The following PUM1 variants were observed in gnomAD, a reference collection of about 807,000 sequenced individuals.
The protein encoded by PUM1 is pumilio RNA binding family member 1.
In PUM1, 13 loss-of-function variants were observed where a neutral mutation model predicts 131.8. The ratio of observed to expected loss-of-function variants is 0.10; its 90% CI spans 0.06 to 0.16. PUM1 has a LOEUF of 0.16. Among genes scored for constraint, PUM1 ranks in the 10% least tolerant of loss-of-function variants. The pLI, the probability that PUM1 is intolerant of heterozygous loss-of-function variation, is 1.00. For missense variants in PUM1, 961 were observed against 1,512.4 expected (o/e 0.64, Z 6.05); for synonymous variants, 509 against 556.5 (o/e 0.91, Z 1.20).
At chr1:30,985,014 A>G (rs1641495810) in intron 7 of PUM1, among the ~76,000 whole-genome samples, 1 of 152,150 alleles carries the variant, frequency 6.6e-6, no homozygotes, top group African/African-American at 2.4e-5. Flanking sequence ...AGGGGTTAAG[A>G]GCACTGACTC....
chr1:31,061,098 T>C (rs1644357697), intron 1 of PUM1, among the ~76,000 whole-genome samples: 1 of 152,128 alleles, frequency 6.6e-6, no homozygotes, highest in East Asian at 1.9e-4. Flanking sequence ...ATTATGCCAT[T>C]AGTACTTCAA....
intron 19 of PUM1, 151 bp from the exon 20 acceptor site, chr1:30,941,423 A>G (rs1570087450): frequency 1.4e-6 from 1 of 722,340 alleles, no homozygotes; most frequent in East Asian, 2.8e-5. Flanking sequence ...TAAGACAGGT[A>G]GTAACGTTCT....
At chr1:30,966,976 C>A in intron 12 of PUM1, 191 bp downstream of exon 12, 9 of 590,208 alleles carry the variant, frequency 1.5e-5, no homozygotes, top group Admixed American at 3.7e-5. Flanking sequence ...CCTCCCCCAA[C>A]CCACCAACCC....
intron 2 of PUM1, among the ~76,000 whole-genome samples, chr1:31,049,062 T>G (rs1371970694): frequency 6.7e-6 from 1 of 149,562 alleles, no homozygotes; most frequent in African/African-American, 2.5e-5. Context: ...AAAAATGAGC[T>G]GGCATGATGG....
chr1:30,989,036 AC>A (rs1162329829), intron 7 of PUM1, among the ~76,000 whole-genome samples: 10 of 152,208 alleles, frequency 6.6e-5, no homozygotes, highest in South Asian at 2.1e-4. Flanking sequence ...CACAAAAAAA[AC>A]AAACTATAAT....
intron 3 of PUM1, among the ~76,000 whole-genome samples, chr1:31,009,267 A>G (rs1557583570): frequency 6.6e-6 from 1 of 151,614 alleles, no homozygotes; most frequent in African/African-American, 2.4e-5. Context: ...TAAAATTCTG[A>G]TTTTTTTTCT....
rs550988630 is a variant in PUM1, at chr1:30,931,878, G to A, written c.*1333C>T. On this transcript the variant is annotated 3_prime_UTR_variant, in exon 22 of 22. Coordinates refer to ENST00000426105, the MANE Select transcript of PUM1 (RefSeq NM_001020658.2). ...CTCGGGCAAGGCTAGACTTTTGCAC[G>A]TCCTTTTGACTGTCACAAAATCAAA... The A allele has an allele frequency of 6.6e-6, 1 of 152,590 alleles. No homozygotes were observed. Among genetic ancestry groups the A allele is most frequent in the Admixed American group, 6.5e-5 (1 of 15,284 alleles). The allele number at this position is 152,590 out of a possible 1,614,324, so 9.5% of individuals were successfully genotyped here.
intron 3 of PUM1, among the ~76,000 whole-genome samples, chr1:31,018,806 C>G (rs1221550471): frequency 6.6e-6 from 1 of 152,222 alleles, no homozygotes; most frequent in Admixed American, 6.5e-5. Context: ...TCTGCAGAGA[C>G]AGCTGAGTGC....
intron 5 of PUM1, among the ~76,000 whole-genome samples, chr1:30,999,023 C>T (rs952501698): frequency 6.7e-6 from 1 of 149,576 alleles, no homozygotes; most frequent in African/African-American, 2.6e-5. Context: ...GTTTTTGAGA[C>T]AGGGTCTCGC....
chr1:30,979,008 G>A (rs967539767), intron 9 of PUM1, among the ~76,000 whole-genome samples: 6 of 151,800 alleles, frequency 4.0e-5, no homozygotes, highest in African/African-American at 9.7e-5. Flanking sequence ...GGAGGCTGAC[G>A]CAGGAGAATC....
At chr1:30,955,251 C>G (rs1265422643) in intron 14 of PUM1, among the ~76,000 whole-genome samples, 1 of 146,100 alleles carries the variant, frequency 6.8e-6, no homozygotes. Flanking sequence ...GTCGGGAGAT[C>G]AAGACCATCC....
At position 31,059,179 on chromosome 1, in the gene PUM1, G is replaced by A. The variant is rs189553504; in HGVS notation, c.363+25C>T. On this transcript the variant is annotated intron_variant, in intron 2 of 21. Coordinates refer to ENST00000426105, the MANE Select transcript of PUM1 (RefSeq NM_001020658.2). Reference sequence around the variant, plus strand: ...ACAGTGATTATAAAGGAATGTCAAAGCTAAAATAGTGAACTTTTTTTTACC... The same window carrying A: ...ACAGTGATTATAAAGGAATGTCAAAACTAAAATAGTGAACTTTTTTTTACC... 6,884 of 1,535,032 alleles carry A rather than the reference G, an allele frequency of 4.5e-3. 31 individuals are homozygous for A. Among genetic ancestry groups the A allele is most frequent in the Middle Eastern group, 0.017 (98 of 5,658 alleles).
rs117902096 is a variant in PUM1 at position 30,991,263 on chromosome 1, G to A, written c.1158+1127C>T. 8.4e-3 allele frequency among the ~76,000 whole-genome samples: 1,282 copies of A among 152,174 alleles called. 7 individuals are homozygous for A. The highest frequency in any genetic ancestry group is 0.031 in the Middle Eastern group (9 of 294). On this transcript the variant is annotated intron_variant, in intron 7 of 21. Coordinates refer to ENST00000426105, the MANE Select transcript of PUM1 (RefSeq NM_001020658.2). ...CAGGCATACCTACTAAGAACTGCAC[G>A]GAGAAGAGTGTACACTTTCAGTTTA...
At chr1:30,967,379 T>C (rs1448711186) in intron 11 of PUM1, 69 bp from the exon 12 acceptor site, 18 of 1,489,270 alleles carry the variant, frequency 1.2e-5, no homozygotes, top group Non-Finnish European at 1.5e-5. Context: ...CACCAACATA[T>C]TGTCAATAAT....
At chr1:31,053,852 TG>T (rs1270194509) in intron 2 of PUM1, among the ~76,000 whole-genome samples, 1 of 151,854 alleles carries the variant, frequency 6.6e-6, no homozygotes, top group African/African-American at 2.4e-5. Flanking sequence ...CCCAGCACTT[TG>T]GGAGGCCGAG....
intron 3 of PUM1, among the ~76,000 whole-genome samples, chr1:31,018,486 G>A (rs956742508): frequency 2.0e-5 from 3 of 150,722 alleles, no homozygotes; most frequent in African/African-American, 7.3e-5. Context: ...GTGAAACCCC[G>A]TCTCTACTAA....
intron 2 of PUM1, among the ~76,000 whole-genome samples, chr1:31,043,763 A>C (rs753167581): frequency 3.3e-5 from 5 of 152,158 alleles, no homozygotes; most frequent in Non-Finnish European, 7.3e-5. Context: ...GCCTCCAAAT[A>C]CTTCCTTCAG....
At chr1:31,055,218 A>C (rs1644210202) in intron 2 of PUM1, 2 of 397,330 alleles carry the variant, frequency 5.0e-6, no homozygotes, top group Non-Finnish European at 1.0e-5. Flanking sequence ...CTCTTCAATT[A>C]TGCTACCCTT....
intron 10 of PUM1, among the ~76,000 whole-genome samples, chr1:30,970,786 A>G (rs1016013406): frequency 6.6e-6 from 1 of 152,224 alleles, no homozygotes; most frequent in Admixed American, 6.5e-5. Flanking sequence ...AATATGGCAA[A>G]TGCTAATAGT....
Sources: allele counts gnomAD v4.1 joint callset (sites outside exome capture counted in the v4.1 genomes callset), GRCh38; gene constraint gnomAD v4.1.1; transcripts MANE v1.5; gene names NCBI Gene and HGNC (gene_info 2026-07-23, HGNC 2026-07-21).